PAN3: variants seen among roughly 807,000 people sequenced by gnomAD.
PAN3 encodes the protein PAN2-PAN3 deadenylation complex subunit PAN3.
In PAN3, 19 loss-of-function variants were observed where a neutral mutation model predicts 96.2. That is an observed-to-expected ratio of 0.20 (90% CI 0.14 to 0.29). The LOEUF is 0.29. Among genes scored for constraint, PAN3 ranks in the 10% least tolerant of loss-of-function variants. The pLI is 1.00. For missense variants in PAN3, 882 were observed against 1,108.1 expected (o/e 0.80, Z 2.90); for synonymous variants, 433 against 406.6 (o/e 1.06, Z -0.78).
chr13:28,219,740 A>G (rs772589197), intron 5 of PAN3, among the ~76,000 whole-genome samples: 2 of 152,216 alleles, frequency 1.3e-5, no homozygotes, highest in Admixed American at 6.5e-5. Flanking sequence ...GTGTTTTTAA[A>G]TGTTTCTCTA....
At chr13:28,288,825 T>C (rs1316112049) in intron 18 of PAN3, among the ~76,000 whole-genome samples, 1 of 142,984 alleles carries the variant, frequency 7.0e-6, no homozygotes, top group African/African-American at 2.7e-5. Flanking sequence ...TTATTAACTA[T>C]AGATTTTTTT....
At chr13:28,171,854 G>T (rs1329532903) in intron 1 of PAN3, among the ~76,000 whole-genome samples, 1 of 152,144 alleles carries the variant, frequency 6.6e-6, no homozygotes, top group African/African-American at 2.4e-5. Flanking sequence ...TTCCAAACTG[G>T]TAATCAGGGC....
chr13:28,267,429 T>A (rs1886271046), intron 12 of PAN3, 28 bp downstream of exon 12: 1 of 1,532,374 alleles, frequency 6.5e-7, no homozygotes, highest in Non-Finnish European at 9.0e-7. Context: ...GCAAACTATA[T>A]TTTGACTAAT....
At chr13:28,228,397 A>G (rs941487175) in intron 6 of PAN3, among the ~76,000 whole-genome samples, 3 of 152,218 alleles carry the variant, frequency 2.0e-5, no homozygotes, top group Admixed American at 1.3e-4. Flanking sequence ...CCCCCAATGC[A>G]TATAGGCATG....
intron 5 of PAN3, among the ~76,000 whole-genome samples, chr13:28,213,336 C>T (rs1880284595): frequency 6.6e-6 from 1 of 151,988 alleles, no homozygotes; most frequent in Non-Finnish European, 1.5e-5. Flanking sequence ...TTGGTATCTG[C>T]AGAGGAGCTG....
intron 4 of PAN3, among the ~76,000 whole-genome samples, chr13:28,190,464 G>T (rs1318184926): frequency 6.6e-6 from 1 of 152,030 alleles, no homozygotes; most frequent in Non-Finnish European, 1.5e-5. Flanking sequence ...TCACTATGTT[G>T]CCCAGGTTGG....
chr13:28,252,220 T>C (rs1884796538), intron 6 of PAN3, among the ~76,000 whole-genome samples: 2 of 143,798 alleles, frequency 1.4e-5, no homozygotes, highest in African/African-American at 5.2e-5. Flanking sequence ...TAAGATCAGG[T>C]ATATTTTAAA....
chr13:28,181,571 T>G (rs1028014866), intron 4 of PAN3, among the ~76,000 whole-genome samples: 3 of 145,802 alleles, frequency 2.1e-5, no homozygotes, highest in Admixed American at 2.0e-4. Context: ...CAGCCATATA[T>G]CTAGGCTGTA....
intron 5 of PAN3, chr13:28,215,723 TC>T: frequency 2.0e-6 from 3 of 1,500,754 alleles, no homozygotes; most frequent in Non-Finnish European, 2.7e-6. Context: ...TTGATATAGT[TC>T]CTGGCAAGCC....
At chr13:28,197,163 T>A in intron 4 of PAN3, 22 bp from the exon 5 acceptor site, 1 of 1,608,068 alleles carries the variant, frequency 6.2e-7, no homozygotes, top group Non-Finnish European at 8.5e-7. Flanking sequence ...AGTGGCCTGG[T>A]TTCTTTCCTT....
At chr13:28,194,983 C>T (rs1373628857) in intron 4 of PAN3, among the ~76,000 whole-genome samples, 2 of 151,718 alleles carry the variant, frequency 1.3e-5, no homozygotes, top group Non-Finnish European at 2.9e-5. Context: ...TATTCTTATT[C>T]ACAAAATTTC....
chr13:28,149,798 G>A (rs73446904), intron 1 of PAN3, among the ~76,000 whole-genome samples: 5,710 of 152,058 alleles, frequency 0.038, 325 homozygotes, highest in African/African-American at 0.13. Context: ...TAAATTTTTT[G>A]TAGAGATAGG....
intron 15 of PAN3, among the ~76,000 whole-genome samples, chr13:28,277,991 C>CTG (rs573857704): frequency 7.0e-4 from 106 of 152,372 alleles, no homozygotes; most frequent in African/African-American, 2.5e-3. Flanking sequence ...GTGTGGACTA[C>CTG]TGTCACAACA....
chr13:28,275,631 A>G (rs1381356123), intron 14 of PAN3, among the ~76,000 whole-genome samples: 2 of 152,184 alleles, frequency 1.3e-5, no homozygotes, highest in African/African-American at 4.8e-5. Context: ...TCATGAATAT[A>G]ACTTGGAATG....
intron 4 of PAN3, among the ~76,000 whole-genome samples, chr13:28,187,699 G>T (rs1876668584): frequency 6.6e-6 from 1 of 152,168 alleles, no homozygotes; most frequent in African/African-American, 2.4e-5. Flanking sequence ...TGCTGTGTTT[G>T]ATATAATTTA....
At chr13:28,148,932 A>G (rs990111690) in intron 1 of PAN3, among the ~76,000 whole-genome samples, 2 of 152,156 alleles carry the variant, frequency 1.3e-5, no homozygotes, top group African/African-American at 4.8e-5. Flanking sequence ...GCTATTACAA[A>G]TGTTGGCACA....
Position 28,261,395 on chromosome 13 carries a change from T to C in PAN3, c.1354-6T>C. ...TAAATAAAAATATACTTATTTTGTT[T>C]CATAGGAGCTGATCAACAGACATTT... is the stretch of plus-strand genomic sequence containing the variant. On this transcript the variant is annotated splice_polypyrimidine_tract_variant and splice_region_variant and intron_variant, in intron 8 of 18. Transcript: ENST00000380958. The C allele has an allele frequency of 6.3e-7, 1 of 1,588,154 alleles. No homozygotes were observed. Among genetic ancestry groups the C allele is most frequent in the Non-Finnish European group, 8.6e-7 (1 of 1,164,044 alleles).
At chr13:28,206,601 C>T (rs1449427977) in intron 5 of PAN3, among the ~76,000 whole-genome samples, 1 of 152,056 alleles carries the variant, frequency 6.6e-6, no homozygotes, top group Non-Finnish European at 1.5e-5. Context: ...GGATTACAGG[C>T]GTGAGCCACC....
intron 2 of PAN3, 96 bp from the exon 3 acceptor site, chr13:28,176,397 G>A: frequency 9.4e-7 from 1 of 1,067,830 alleles, no homozygotes; most frequent in Non-Finnish European, 1.4e-6. Flanking sequence ...ACAGTAGATT[G>A]GAGGGGAAGA....
Sources: gnomAD v4.1 joint callset for allele counts (sites outside exome capture counted in the v4.1 genomes callset) on GRCh38, gnomAD v4.1.1 for gene constraint, MANE v1.5 for transcripts, NCBI Gene and HGNC (gene_info 2026-07-23, HGNC 2026-07-21) for gene names.